The following ARHGAP15 variants were observed in gnomAD, a reference collection of about 807,000 sequenced individuals.
ARHGAP15 encodes Rho GTPase activating protein 15.
ARHGAP15 carries 51 observed loss-of-function variants against 63.7 expected under a neutral mutation model. That is an observed-to-expected ratio of 0.80 (90% CI 0.64 to 1.01). The LOEUF is 1.01. Ranked by LOEUF, ARHGAP15 falls within the 50% of genes least tolerant of loss-of-function variation. ARHGAP15 has a pLI of 0.00. For synonymous variants in ARHGAP15, 191 were observed against 193.8 expected, an observed-to-expected ratio of 0.99 and a Z score of 0.12; for missense variants, 560 against 564.6, an observed-to-expected ratio of 0.99 and a Z score of 0.08.
intron 6 of ARHGAP15, among the ~76,000 whole-genome samples, chr2:143,422,890 C>T (rs1306022257): frequency 2.6e-5 from 4 of 152,040 alleles, no homozygotes; most frequent in Admixed American, 2.0e-4. Flanking sequence ...GAGGATACAG[C>T]TACAGAAATG....
intron 13 of ARHGAP15, among the ~76,000 whole-genome samples, chr2:143,758,041 G>T (rs1219091682): frequency 6.6e-6 from 1 of 151,904 alleles, no homozygotes; most frequent in African/African-American, 2.4e-5. Flanking sequence ...TAATAGCAAA[G>T]AATTAGAAGA....
chr2:143,418,401 T>G (rs1259958354), intron 6 of ARHGAP15, among the ~76,000 whole-genome samples: 1 of 152,212 alleles, frequency 6.6e-6, no homozygotes, highest in Non-Finnish European at 1.5e-5. Flanking sequence ...CAAATGAAAC[T>G]GTCAAAATTT....
intron 12 of ARHGAP15, among the ~76,000 whole-genome samples, chr2:143,681,502 G>C (rs1683099396): frequency 6.6e-6 from 1 of 152,070 alleles, no homozygotes; most frequent in Admixed American, 6.6e-5. Context: ...AACTACTATG[G>C]ATAAATGCTT....
rs563774822 is a variant in ARHGAP15 at position 143,229,920 on chromosome 2, A to G, written c.384+1252A>G. ...TCAGTGCTGTCCGATCTGTAAACTA[A>G]TTATGAATAAATTAAAAATATATCT... On this transcript the variant is annotated intron_variant, in intron 5 of 13. Coordinates refer to ENST00000295095, the MANE Select transcript of ARHGAP15 (RefSeq NM_018460.4). Among the ~76,000 whole-genome samples, 5 of 151,892 alleles carry G rather than the reference A, an allele frequency of 3.3e-5. No individual in the cohort carries two copies. The South Asian group carries it at 1.0e-3, about 31-fold the overall frequency.
intron 13 of ARHGAP15, among the ~76,000 whole-genome samples, chr2:143,740,772 T>C (rs1685933006): frequency 6.6e-6 from 1 of 152,136 alleles, no homozygotes; most frequent in Non-Finnish European, 1.5e-5. Flanking sequence ...TGAAATTCTC[T>C]CAGGAAATGA....
At chr2:143,603,022 G>A (rs1697837073) in intron 11 of ARHGAP15, among the ~76,000 whole-genome samples, 1 of 152,128 alleles carries the variant, frequency 6.6e-6, no homozygotes. Flanking sequence ...ATTTAAACAG[G>A]TGTATCAGTC....
At chr2:143,637,092 C>A (rs994803264) in intron 12 of ARHGAP15, among the ~76,000 whole-genome samples, 1 of 130,842 alleles carries the variant, frequency 7.6e-6, no homozygotes, top group African/African-American at 2.6e-5. Context: ...ATGACCCTAT[C>A]TAAACTTTGT....
At chr2:143,615,278 A>C (rs903162950) in intron 11 of ARHGAP15, among the ~76,000 whole-genome samples, 7 of 152,304 alleles carry the variant, frequency 4.6e-5, no homozygotes, top group Admixed American at 2.0e-4. Flanking sequence ...ATCTTAATCT[A>C]CCAGTTTTGT....
At chr2:143,543,829 A>C (rs1326347420) in intron 10 of ARHGAP15, among the ~76,000 whole-genome samples, 1 of 152,170 alleles carries the variant, frequency 6.6e-6, no homozygotes, top group Non-Finnish European at 1.5e-5. Flanking sequence ...TTTTAAGTCA[A>C]CAAAGTGTTT....
chr2:143,486,179 C>T (rs991908093), intron 8 of ARHGAP15, among the ~76,000 whole-genome samples: 1 of 152,066 alleles, frequency 6.6e-6, no homozygotes, highest in Non-Finnish European at 1.5e-5. Flanking sequence ...ATCCCAAACC[C>T]TCTCATTATG....
At chr2:143,554,072 A>T (rs1695685254) in intron 10 of ARHGAP15, among the ~76,000 whole-genome samples, 1 of 152,106 alleles carries the variant, frequency 6.6e-6, no homozygotes, top group African/African-American at 2.4e-5. Flanking sequence ...AAAAACACAC[A>T]ATGTTCTCAT....
intron 2 of ARHGAP15, among the ~76,000 whole-genome samples, chr2:143,184,153 G>T (rs1389365830): frequency 1.3e-5 from 2 of 152,168 alleles, no homozygotes; most frequent in Admixed American, 1.3e-4. Flanking sequence ...ATTCGACAGG[G>T]TGAAGGGTTG....
chr2:143,292,185 T>A (rs1682433751), intron 6 of ARHGAP15, among the ~76,000 whole-genome samples: 2 of 152,110 alleles, frequency 1.3e-5, no homozygotes, highest in Non-Finnish European at 2.9e-5. Flanking sequence ...TTAAATTTCA[T>A]CAGCCATTTT....
chr2:143,283,328 ACT>A (rs372356533), intron 6 of ARHGAP15, among the ~76,000 whole-genome samples: 1 of 151,028 alleles, frequency 6.6e-6, no homozygotes, highest in Non-Finnish European at 1.5e-5. Flanking sequence ...CAAGTAAGGA[ACT>A]CTCTCCTCAT....
chr2:143,669,824 G>A, intron 12 of ARHGAP15, among the ~76,000 whole-genome samples: 1 of 152,180 alleles, frequency 6.6e-6, no homozygotes, highest in East Asian at 1.9e-4. Flanking sequence ...GAAGGACAGG[G>A]AGATGGCCAC....
At chr2:143,693,322 A>C (rs1275498741) in intron 12 of ARHGAP15, among the ~76,000 whole-genome samples, 1 of 152,220 alleles carries the variant, frequency 6.6e-6, no homozygotes, top group Non-Finnish European at 1.5e-5. Flanking sequence ...AATATCCCAC[A>C]AAGTCCCGTT....
At chr2:143,689,359 A>T (rs1683490850) in intron 12 of ARHGAP15, among the ~76,000 whole-genome samples, 1 of 151,988 alleles carries the variant, frequency 6.6e-6, no homozygotes, top group South Asian at 2.1e-4. Context: ...CCCTGTGTCA[A>T]ATTTTATTAG....
chr2:143,254,331 G>T (rs931439933), intron 6 of ARHGAP15, among the ~76,000 whole-genome samples: 1 of 151,952 alleles, frequency 6.6e-6, no homozygotes, highest in Non-Finnish European at 1.5e-5. Flanking sequence ...CTGTTTCCTG[G>T]CTGGGCATGT....
intron 11 of ARHGAP15, among the ~76,000 whole-genome samples, chr2:143,571,631 C>A (rs1574649098): frequency 6.6e-6 from 1 of 152,164 alleles, no homozygotes; most frequent in Non-Finnish European, 1.5e-5. Context: ...GTGGCATCTG[C>A]ATTTCTTGCT....
Sources: gnomAD v4.1 joint callset for allele counts (sites outside exome capture counted in the v4.1 genomes callset) on GRCh38, gnomAD v4.1.1 for gene constraint, MANE v1.5 for transcripts, NCBI Gene and HGNC (gene_info 2026-07-23, HGNC 2026-07-21) for gene names.